CYRIA: variants seen among roughly 807,000 people sequenced by gnomAD.
The protein encoded by CYRIA is CYFIP-related Rac1 interactor A.
Under a neutral mutation model 43.9 loss-of-function variants are expected in CYRIA, and 15 were observed. The observed-to-expected ratio is 0.34, with a 90% CI of 0.23 to 0.53. The LOEUF (loss-of-function observed/expected upper bound fraction) is 0.53. CYRIA is among the 20% of genes least tolerant of loss of function. The pLI is 0.94. For synonymous variants in CYRIA, 117 were observed against 136.0 expected (o/e 0.86, Z 0.97); for missense variants, 236 against 394.2 (o/e 0.60, Z 3.40).
chr2:16,604,526 T>C (rs1449442213), intron 2 of CYRIA, among the ~76,000 whole-genome samples: 2 of 152,366 alleles, frequency 1.3e-5, no homozygotes, highest in South Asian at 2.1e-4. Flanking sequence ...GTTTACAACA[T>C]GTACACCATC....
chr2:16,576,725 T>A (rs566927367), intron 3 of CYRIA, among the ~76,000 whole-genome samples: 33 of 152,308 alleles, frequency 2.2e-4, no homozygotes, highest in Middle Eastern at 3.4e-3. Flanking sequence ...AGAATACCCC[T>A]TTTATGATAA....
chr2:16,604,531 A>G (rs1486968552), intron 2 of CYRIA, among the ~76,000 whole-genome samples: 1 of 152,244 alleles, frequency 6.6e-6, no homozygotes, highest in Non-Finnish European at 1.5e-5. Flanking sequence ...CAACATGTAC[A>G]CCATCTGACT....
At chr2:16,574,304 C>T (rs1191044704) in intron 3 of CYRIA, among the ~76,000 whole-genome samples, 3 of 152,220 alleles carry the variant, frequency 2.0e-5, no homozygotes, top group East Asian at 3.9e-4. Flanking sequence ...TTGGGAGCTG[C>T]TAAAGACATT....
intron 1 of CYRIA, among the ~76,000 whole-genome samples, chr2:16,634,702 A>C (rs1207196980): frequency 6.6e-6 from 1 of 152,212 alleles, no homozygotes; most frequent in Non-Finnish European, 1.5e-5. Context: ...AGAGGAGAGC[A>C]AGACTAATAT....
At chr2:16,564,686 ATG>A (rs1666865888) in intron 4 of CYRIA, among the ~76,000 whole-genome samples, 1 of 151,898 alleles carries the variant, frequency 6.6e-6, no homozygotes, top group Non-Finnish European at 1.5e-5. Flanking sequence ...GTGTGTGTGT[ATG>A]TGTGTATTGG....
At chr2:16,631,071 A>G (rs1396514411) in intron 1 of CYRIA, among the ~76,000 whole-genome samples, 1 of 152,110 alleles carries the variant, frequency 6.6e-6, no homozygotes, top group African/African-American at 2.4e-5. Context: ...TGTGACCTTT[A>G]GTCAGTCACT....
At chr2:16,584,602 T>C (rs1359911479) in intron 3 of CYRIA, among the ~76,000 whole-genome samples, 7 of 152,110 alleles carry the variant, frequency 4.6e-5, no homozygotes, top group Admixed American at 3.9e-4. Flanking sequence ...AGCCCTAAGC[T>C]CCCAGGCTTG....
chr2:16,641,408 C>T (rs902544076), intron 1 of CYRIA, among the ~76,000 whole-genome samples: 14 of 152,126 alleles, frequency 9.2e-5, no homozygotes, highest in African/African-American at 3.4e-4. Flanking sequence ...AAATATTCTT[C>T]TTTCTCCTCC....
At chr2:16,603,070 A>G (rs1183956627) in intron 2 of CYRIA, among the ~76,000 whole-genome samples, 2 of 152,100 alleles carry the variant, frequency 1.3e-5, no homozygotes, top group Non-Finnish European at 2.9e-5. Context: ...CAAATCTGAG[A>G]TACTACTTCC....
At chr2:16,605,639 T>C (rs772497002) in intron 2 of CYRIA, among the ~76,000 whole-genome samples, 4 of 152,230 alleles carry the variant, frequency 2.6e-5, no homozygotes, top group Non-Finnish European at 5.9e-5. Flanking sequence ...GGCAAGTTGC[T>C]CTTCCTCTCT....
intron 2 of CYRIA, among the ~76,000 whole-genome samples, chr2:16,593,132 G>C (rs1335525548): frequency 6.6e-6 from 1 of 152,092 alleles, no homozygotes; most frequent in Non-Finnish European, 1.5e-5. Flanking sequence ...ACCTATAATT[G>C]TTCAATATTA....
At chr2:16,624,827 T>C (rs564174272) in intron 1 of CYRIA, among the ~76,000 whole-genome samples, 1 of 152,232 alleles carries the variant, frequency 6.6e-6, no homozygotes, top group African/African-American at 2.4e-5. Flanking sequence ...TGTATAAATA[T>C]ACTTTCTTAT....
intron 3 of CYRIA, among the ~76,000 whole-genome samples, chr2:16,576,269 C>A (rs190804992): frequency 0.011 from 1,712 of 152,046 alleles, 69 homozygotes; most frequent in Admixed American, 0.081. Context: ...ACAGGTGATG[C>A]GGAGGATGAA....
intron 1 of CYRIA, among the ~76,000 whole-genome samples, chr2:16,643,303 C>CTCTTAA (rs1168973960): frequency 2.6e-5 from 4 of 152,032 alleles, no homozygotes; most frequent in Non-Finnish European, 4.4e-5. Context: ...GGCATTGAGC[C>CTCTTAA]ACAGAGAAAG....
chr2:16,553,080 C>A, intron 11 of CYRIA, 81 bp from the exon 12 acceptor site: 2 of 871,670 alleles, frequency 2.3e-6, no homozygotes, highest in Non-Finnish European at 4.0e-6. Flanking sequence ...TTCGGAAACA[C>A]AATTGATATT....
At chr2:16,559,985 T>C (rs1666670657) in intron 9 of CYRIA, among the ~76,000 whole-genome samples, 1 of 152,190 alleles carries the variant, frequency 6.6e-6, no homozygotes, top group Non-Finnish European at 1.5e-5. Flanking sequence ...CTATCATGTC[T>C]CCAGTCGGAG....
intron 1 of CYRIA, among the ~76,000 whole-genome samples, chr2:16,626,505 G>C (rs1669171386): frequency 6.6e-6 from 1 of 152,074 alleles, no homozygotes; most frequent in Admixed American, 6.5e-5. Flanking sequence ...CAAGGGCAGG[G>C]GCTCACTCCA....
chr2:16,652,672 C>T (rs887550494), intron 1 of CYRIA, among the ~76,000 whole-genome samples: 6 of 152,180 alleles, frequency 3.9e-5, no homozygotes, highest in Admixed American at 1.3e-4. Context: ...TGGCTGAAAT[C>T]CTGACACACT....
At chr2:16,660,745 AT>A (rs1191803266) in intron 1 of CYRIA, among the ~76,000 whole-genome samples, 1 of 152,206 alleles carries the variant, frequency 6.6e-6, no homozygotes, top group Non-Finnish European at 1.5e-5. Context: ...GCCATACAGA[AT>A]TTTTATTAGA....
Sources: gnomAD v4.1 joint callset for allele counts (sites outside exome capture counted in the v4.1 genomes callset) on GRCh38, gnomAD v4.1.1 for gene constraint, MANE v1.5 for transcripts, NCBI Gene and HGNC (gene_info 2026-07-23, HGNC 2026-07-21) for gene names.